The following SUPT3H variants were observed in gnomAD, a reference collection of about 807,000 sequenced individuals.
SUPT3H encodes SPT3 homolog, SAGA and STAGA complex component.
A neutral mutation model predicts 44.3 loss-of-function variants in SUPT3H; 44 were observed. That is an observed-to-expected ratio of 0.99 (90% CI 0.78 to 1.28). The LOEUF (loss-of-function observed/expected upper bound fraction) is 1.28. Among genes scored for constraint, SUPT3H ranks in the 50% most tolerant of loss-of-function variants. The probability of loss-of-function intolerance (pLI) is 0.00; values close to 1 mark genes in which losing one functional copy is unlikely to be tolerated. For missense variants in SUPT3H, 380 were observed against 387.1 expected (o/e 0.98, Z 0.15); for synonymous variants, 124 against 125.6 (o/e 0.99, Z 0.09).
intron 2 of SUPT3H, among the ~76,000 whole-genome samples, chr6:45,158,298 A>ATATATATATTTTT: frequency 5.0e-5 from 5 of 99,688 alleles, no homozygotes; most frequent in African/African-American, 1.5e-4. Flanking sequence ...ATATATATAT[A>ATATATATATTTTT]TTTTTTTTTT....
chr6:45,323,492 G>A (rs4072928), intron 2 of SUPT3H, among the ~76,000 whole-genome samples: 57,329 of 151,750 alleles, frequency 0.38, 11,519 homozygotes, highest in Non-Finnish European at 0.45. Context: ...CCATTAACAT[G>A]AATAAAGAGC....
At chr6:45,067,272 G>A (rs1344373416) in intron 3 of SUPT3H, among the ~76,000 whole-genome samples, 1 of 141,520 alleles carries the variant, frequency 7.1e-6, no homozygotes, top group Admixed American at 7.3e-5. Flanking sequence ...GTAGAAAGCT[G>A]AAACTGGATC....
intron 6 of SUPT3H, among the ~76,000 whole-genome samples, chr6:44,995,413 G>A (rs1397753139): frequency 1.3e-5 from 2 of 151,856 alleles, no homozygotes; most frequent in Non-Finnish European, 2.9e-5. Context: ...AGAAACAAGG[G>A]ACAATTAAAA....
intron 6 of SUPT3H, among the ~76,000 whole-genome samples, chr6:44,968,676 C>A (rs1393990015): frequency 6.6e-6 from 1 of 152,114 alleles, no homozygotes; most frequent in Non-Finnish European, 1.5e-5. Flanking sequence ...CCTCTCCCAA[C>A]CTATCCTGCA....
At chr6:45,316,426 A>G (rs1378943281) in intron 2 of SUPT3H, among the ~76,000 whole-genome samples, 1 of 152,030 alleles carries the variant, frequency 6.6e-6, no homozygotes, top group African/African-American at 2.4e-5. Context: ...AAAAAAAAAA[A>G]ATACTGTATC....
At chr6:45,292,635 GA>G (rs1262511900) in intron 2 of SUPT3H, among the ~76,000 whole-genome samples, 1 of 151,034 alleles carries the variant, frequency 6.6e-6, no homozygotes, top group Non-Finnish European at 1.5e-5. Flanking sequence ...CAGAGGGGTG[GA>G]AAAAGACATT....
intron 2 of SUPT3H, among the ~76,000 whole-genome samples, chr6:45,234,750 C>T (rs995083980): frequency 6.6e-6 from 1 of 152,040 alleles, no homozygotes; most frequent in Non-Finnish European, 1.5e-5. Context: ...CAAACTATAG[C>T]TATCAAGTTA....
intron 10 of SUPT3H, among the ~76,000 whole-genome samples, chr6:44,858,695 T>C (rs1774130031): frequency 6.6e-6 from 1 of 152,218 alleles, no homozygotes; most frequent in Non-Finnish European, 1.5e-5. Flanking sequence ...AGCATGCACC[T>C]ACATATTGCC....
chr6:44,842,203 CA>C (rs1227301625), intron 10 of SUPT3H, among the ~76,000 whole-genome samples: 3 of 152,200 alleles, frequency 2.0e-5, no homozygotes, highest in African/African-American at 7.2e-5. Flanking sequence ...GTCTTTCCAA[CA>C]TTTTTTTCTG....
intron 10 of SUPT3H, among the ~76,000 whole-genome samples, chr6:44,918,181 T>A (rs1254885950): frequency 6.6e-6 from 1 of 152,180 alleles, no homozygotes; most frequent in Non-Finnish European, 1.5e-5. Flanking sequence ...TTTAAGTAAC[T>A]GCTAAGCCAC....
chr6:44,885,759 G>A (rs935225282), intron 10 of SUPT3H, among the ~76,000 whole-genome samples: 12 of 152,174 alleles, frequency 7.9e-5, no homozygotes, highest in African/African-American at 2.2e-4. Context: ...GAACAAAGCC[G>A]GACGGAGAAT....
At chr6:44,912,766 G>A (rs1767253961) in intron 10 of SUPT3H, among the ~76,000 whole-genome samples, 1 of 152,160 alleles carries the variant, frequency 6.6e-6, no homozygotes, top group East Asian at 1.9e-4. Context: ...ACAATTAAAT[G>A]TAAAGTCTCT....
chr6:44,957,922 TC>T (rs1400111810), intron 7 of SUPT3H, among the ~76,000 whole-genome samples: 1 of 152,200 alleles, frequency 6.6e-6, no homozygotes, highest in African/African-American at 2.4e-5. Context: ...TCCTTCCCTG[TC>T]ATGTGGAGAA....
At chr6:44,964,341 T>C (rs938755408) in intron 6 of SUPT3H, among the ~76,000 whole-genome samples, 14 of 152,116 alleles carry the variant, frequency 9.2e-5, no homozygotes, top group African/African-American at 3.4e-4. Flanking sequence ...AACCAATAAA[T>C]GGCTGGACAG....
chr6:45,201,748 A>G (rs1762485724), intron 2 of SUPT3H, among the ~76,000 whole-genome samples: 1 of 151,898 alleles, frequency 6.6e-6, no homozygotes, highest in African/African-American at 2.4e-5. Flanking sequence ...TAATTGAAAG[A>G]CATTTCCAAA....
At chr6:45,244,665 T>C (rs1375952855) in intron 2 of SUPT3H, among the ~76,000 whole-genome samples, 2 of 152,204 alleles carry the variant, frequency 1.3e-5, no homozygotes, top group African/African-American at 2.4e-5. Flanking sequence ...TTTAATTGCA[T>C]GTAATTTTCT....
At chr6:44,970,562 G>A (rs903441836) in intron 6 of SUPT3H, among the ~76,000 whole-genome samples, 2 of 151,206 alleles carry the variant, frequency 1.3e-5, no homozygotes, top group Non-Finnish European at 2.9e-5. Flanking sequence ...CCTGATTAAG[G>A]ATGTTACAAC....
intron 2 of SUPT3H, among the ~76,000 whole-genome samples, chr6:45,201,857 T>C (rs1373557477): frequency 6.6e-6 from 1 of 151,936 alleles, no homozygotes; most frequent in Non-Finnish European, 1.5e-5. Flanking sequence ...AACTACCTTA[T>C]GCTTAGTTTT....
chr6:44,959,868 T>C (rs911415867), intron 7 of SUPT3H, among the ~76,000 whole-genome samples: 4 of 152,126 alleles, frequency 2.6e-5, no homozygotes, highest in African/African-American at 9.7e-5. Flanking sequence ...AGGAGAAGAA[T>C]GAAAAGAGCA....
Sources: gnomAD v4.1 joint callset for allele counts (sites outside exome capture counted in the v4.1 genomes callset) on GRCh38, gnomAD v4.1.1 for gene constraint, MANE v1.5 for transcripts, NCBI Gene and HGNC (gene_info 2026-07-23, HGNC 2026-07-21) for gene names.